FBXO38: variants seen among roughly 807,000 people sequenced by gnomAD.
The protein encoded by FBXO38 is F-box only protein 38.
A neutral mutation model predicts 131.9 loss-of-function variants in FBXO38; 53 were observed. That is an observed-to-expected ratio of 0.40 (90% CI 0.32 to 0.51). The LOEUF is 0.51. Ranked by LOEUF, FBXO38 falls within the 20% of genes least tolerant of loss-of-function variation. FBXO38 has a pLI of 0.53. For synonymous variants in FBXO38, 452 were observed against 505.6 expected (o/e 0.89, Z 1.42); for missense variants, 1,076 against 1,475.6 (o/e 0.73, Z 4.44).
rs143902310 is a variant in FBXO38, at chr5:148,427,302, T to C, written c.2008T>C (p.Cys670Arg). Reference sequence around the variant, plus strand: ...GCAGTTTCCCCTCGAGGAAAGCAGCTGTGAGAAAGGCTGTCAGGTCACCAG... The same window carrying C: ...GCAGTTTCCCCTCGAGGAAAGCAGCCGTGAGAAAGGCTGTCAGGTCACCAG... ...SKQFPLEESS[C>R]EKGCQVTSEQ... The change falls in exon 15 of 22, where the codon TGT becomes CGT. Residue 670 changes from cysteine to arginine, a missense_variant. Physicochemically the swap from Cys to Arg is radical, Grantham distance 180. Around this residue, in one of 8 missense-constraint regions of FBXO38, gnomAD observed 3 missense variants for 16.5 expected, o/e 0.18. Coordinates refer to ENST00000340253, the MANE Select transcript of FBXO38 (RefSeq NM_205836.3). The C allele has an allele frequency of 1.2e-5, 20 of 1,613,926 alleles. No homozygotes were observed. Among genetic ancestry groups the C allele is most frequent in the Non-Finnish European group, 1.7e-5 (20 of 1,180,010 alleles).
At chr5:148,399,889 G>A (rs912321835) in intron 3 of FBXO38, among the ~76,000 whole-genome samples, 1 of 151,352 alleles carries the variant, frequency 6.6e-6, no homozygotes, top group African/African-American at 2.4e-5. Context: ...ATGAGACTTC[G>A]AAAATGGGAT....
Position 148,440,489 on chromosome 5 carries a change from C to T in FBXO38, c.3236C>T (p.Pro1079Leu), listed in dbSNP as rs757930681. 6.2e-7 allele frequency: 1 copy of T among 1,611,540 alleles called. No individual in the cohort carries two copies. Among genetic ancestry groups the T allele is most frequent in the South Asian group, 1.1e-5 (1 of 90,986 alleles). The change falls in exon 20 of 22, where the codon CCC becomes CTC. Residue 1079 changes from proline to leucine, a missense_variant. Pro to Leu is a moderately conservative substitution (Grantham distance 98). Around this residue, in one of 8 missense-constraint regions of FBXO38, gnomAD observed 282 missense variants for 418.8 expected, o/e 0.67. Transcript: ENST00000340253. ...TRSEEDLKKYPKYPWGREIYT... is the reference protein window; with the variant it reads ...TRSEEDLKKYLKYPWGREIYT... ...AGTGAAGAAGACTTAAAGAAATACC[C>T]CAAGTACCCCTGGGGGAGAGAAATC...
At chr5:148,409,051 T>G (rs922489523) in intron 7 of FBXO38, 73 bp from the exon 8 acceptor site, 1 of 788,152 alleles carries the variant, frequency 1.3e-6, no homozygotes, top group Non-Finnish European at 2.2e-6. Flanking sequence ...GATAATACTT[T>G]ATAATGTATA....
chr5:148,413,425 T>C (rs575817696), intron 9 of FBXO38: 1 of 152,214 alleles, frequency 6.6e-6, no homozygotes, highest in East Asian at 1.9e-4. Flanking sequence ...AGCACTATGC[T>C]AGACACTAAA....
rs1266328434 is a variant in FBXO38, at chr5:148,442,151, G to A, written c.*4G>A. On this transcript the variant is annotated 3_prime_UTR_variant, in exon 22 of 22. Coordinates refer to ENST00000340253, the MANE Select transcript of FBXO38 (RefSeq NM_205836.3). Reference sequence around the variant, plus strand: ...AGTTGAAGATGACTACATTTAATTGGTCCCTCCTCCTTTCCAGCTATTTTG... The same window carrying A: ...AGTTGAAGATGACTACATTTAATTGATCCCTCCTCCTTTCCAGCTATTTTG... The A allele has an allele frequency of 5.0e-6, 8 of 1,612,450 alleles. No individual in the cohort carries two copies. In the Admixed American group the frequency reaches 1.0e-4, roughly 20 times the overall value.
At position 148,398,676 on chromosome 5, in the gene FBXO38, G is replaced by GTT. The variant is rs200385007; in HGVS notation, c.129-311_129-310dup. Among the ~76,000 whole-genome samples the GTT allele has an allele frequency of 5.6e-5, 8 of 142,096 alleles. No homozygotes were observed. In the East Asian group the frequency reaches 1.0e-3, roughly 19 times the overall value. The allele number at this position is 142,096 out of a possible 152,430, so 93.2% of individuals were successfully genotyped here. ...TTCTCATCACATCTTGAAAAGCACT[G>GTT]TTTTTTTTTTTTTCTTCTTTTCTTT... is the stretch of plus-strand genomic sequence containing the variant. On this transcript the variant is annotated intron_variant, in intron 2 of 21. Transcript: ENST00000340253.
intron 12 of FBXO38, among the ~76,000 whole-genome samples, chr5:148,423,104 T>C (rs1753533069): frequency 1.3e-5 from 2 of 152,346 alleles, no homozygotes; most frequent in South Asian, 4.1e-4. Context: ...AGTTGTTTCT[T>C]GTCTGTGTTC....
rs1280770427 is a variant in FBXO38, at chr5:148,404,823, G to T, written c.730+1G>T. ...ACTTTCGTCATGAGGAACTGTGCAG[G>T]TAATGGTACACAATTATGGTGGAAT... On this transcript the variant is annotated splice_donor_variant, in intron 6 of 21. Coordinates refer to ENST00000340253, the MANE Select transcript of FBXO38 (RefSeq NM_205836.3). LOFTEE classifies it high-confidence loss of function. The T allele has an allele frequency of 6.3e-7, 1 of 1,594,936 alleles. No homozygotes were observed. Among genetic ancestry groups the T allele is most frequent in the Non-Finnish European group, 8.5e-7 (1 of 1,174,414 alleles).
At chr5:148,403,461 T>TG (rs77924089) in intron 5 of FBXO38, among the ~76,000 whole-genome samples, 22,581 of 152,056 alleles carry the variant, frequency 0.15, 3,719 homozygotes, top group African/African-American at 0.39. Context: ...GTCTCACCCT[T>TG]CTTCCTTGGG....
chr5:148,426,263 C>T (rs1286403083), intron 14 of FBXO38, among the ~76,000 whole-genome samples: 2 of 152,178 alleles, frequency 1.3e-5, no homozygotes, highest in Non-Finnish European at 2.9e-5. Context: ...CGCAGAACCA[C>T]GTGCTTACCA....
At chr5:148,389,773 A>T (rs892443734) in intron 1 of FBXO38, 1 of 152,372 alleles carries the variant, frequency 6.6e-6, no homozygotes, top group Non-Finnish European at 1.5e-5. Flanking sequence ...TCACGCCTGT[A>T]ATCCCAGCAC....
At chr5:148,421,984 C>T (rs1235914651) in intron 12 of FBXO38, among the ~76,000 whole-genome samples, 1 of 152,006 alleles carries the variant, frequency 6.6e-6, no homozygotes, top group Non-Finnish European at 1.5e-5. Flanking sequence ...GTCTCTGAAA[C>T]ATCTCTCCAG....
chr5:148,392,693 A>G (rs1758265639), intron 1 of FBXO38, among the ~76,000 whole-genome samples: 1 of 151,668 alleles, frequency 6.6e-6, no homozygotes, highest in South Asian at 2.1e-4. Context: ...TAAATTAGCA[A>G]AGGAGACTGA....
At position 148,417,087 on chromosome 5, in the gene FBXO38, G is replaced by A; in HGVS notation, c.1501G>A (p.Ala501Thr). Residue 501 changes from alanine (A) to threonine (T), a missense_variant, in exon 12 of 22, where the codon GCC (alanine) becomes ACC (threonine). Physicochemically the swap from Ala to Thr is moderately conservative, Grantham distance 58 (BLOSUM62 0). Transcript: ENST00000340253. ...GAACTCCAACAATGACGATAATAAT[G>A]CCCAGAATAACAATGCCAACATCCA... ...NQNSNNDDNN[A>T]QNNNANIHDN... 1.2e-6 allele frequency: 2 copies of A among 1,613,170 alleles called. No individual in the cohort carries two copies. The highest frequency in any genetic ancestry group is 1.6e-4 in the Middle Eastern group (1 of 6,062).
intron 1 of FBXO38, among the ~76,000 whole-genome samples, chr5:148,390,282 T>C (rs894909671): frequency 1.3e-5 from 2 of 152,154 alleles, no homozygotes; most frequent in African/African-American, 4.8e-5. Flanking sequence ...CGAGGAAGCT[T>C]TTTATCTCCT....
chr5:148,430,328 AT>A (rs1293968541), intron 15 of FBXO38: 6 of 130,266 alleles, frequency 4.6e-5, no homozygotes, highest in African/African-American at 5.8e-5. Context: ...CTAATTTTTT[AT>A]TTTTTTTTTA....
intron 12 of FBXO38, among the ~76,000 whole-genome samples, chr5:148,422,485 T>G (rs997839662): frequency 6.6e-6 from 1 of 152,208 alleles, no homozygotes; most frequent in Non-Finnish European, 1.5e-5. Context: ...CATCACACTT[T>G]TTGTTACATA....
chr5:148,423,917 T>C (rs991942917), intron 12 of FBXO38, 81 bp from the exon 13 acceptor site: 4 of 1,358,508 alleles, frequency 2.9e-6, no homozygotes, highest in Non-Finnish European at 4.0e-6. Flanking sequence ...TGTTCAGTTC[T>C]TAGGGCGGCC....
Position 148,419,707 on chromosome 5 carries a change from G to A in FBXO38, c.1618+2503G>A, listed in dbSNP as rs777495804. On this transcript the variant is annotated intron_variant, in intron 12 of 21. Transcript: ENST00000340253. ...TAGTGAGTTATGATCACACCACTAC[G>A]CTCCAGCCTGGGTGACAGAGGGAGA... Among the ~76,000 whole-genome samples the A allele has an allele frequency of 9.9e-5, 15 of 152,000 alleles. No individual in the cohort carries two copies. The South Asian group carries it at 1.0e-3, about 11-fold the overall frequency.
Sources: gnomAD v4.1 joint callset for allele counts (sites outside exome capture counted in the v4.1 genomes callset) on GRCh38, gnomAD v4.1.1 for gene constraint, gnomAD v4.1.1 regional missense constraint, MANE v1.5 for transcripts, NCBI Gene and HGNC (gene_info 2026-07-23, HGNC 2026-07-21) for gene names.